Variants in COL5A1 observed in about 807,000 individuals in gnomAD.
The protein encoded by COL5A1 is collagen alpha-1(V) chain.
In COL5A1, 16 loss-of-function variants were observed where a neutral mutation model predicts 263.7. That is an observed-to-expected ratio of 0.06 (90% confidence interval 0.04 to 0.09). COL5A1 has a LOEUF of 0.09. Ranked by LOEUF, COL5A1 falls within the 10% of genes least tolerant of loss-of-function variation. COL5A1 has a pLI of 1.00. For synonymous variants in COL5A1, 1,012 were observed against 1,004.5 expected (o/e 1.01, Z -0.14); for missense variants, 2,036 against 2,540.5 (o/e 0.80, Z 4.27).
intron 48 of COL5A1, among the ~76,000 whole-genome samples, chr9:134,813,064 A>G (rs1588579608): frequency 2.0e-5 from 3 of 152,038 alleles, no homozygotes; most frequent in Non-Finnish European, 2.9e-5. Flanking sequence ...GAGATCATCT[A>G]TTCCTTAAAT....
chr9:134,720,376 T>G (rs1834408937), intron 4 of COL5A1, among the ~76,000 whole-genome samples: 1 of 152,194 alleles, frequency 6.6e-6, no homozygotes, highest in African/African-American at 2.4e-5. Context: ...CGGGCAAGGC[T>G]CCACCAGGAG....
chr9:134,733,689 GCCTGGGCGGACTCACC>G (rs556626580), intron 9 of COL5A1, among the ~76,000 whole-genome samples: 51 of 152,336 alleles, frequency 3.3e-4, no homozygotes, highest in African/African-American at 1.1e-3. Context: ...ACTGCCGTCC[GCCTGGGCGGACTCACC>G]CAGAAGCAGG....
intron 1 of COL5A1, chr9:134,649,536 T>C (rs918815983): frequency 1.1e-5 from 5 of 470,736 alleles, no homozygotes; most frequent in African/African-American, 1.0e-4. Context: ...TGTCCTTTTC[T>C]TCCTTGCCAG....
intron 65 of COL5A1, 121 bp downstream of exon 65, chr9:134,835,325 A>G (rs1284504040): frequency 1.2e-6 from 1 of 854,338 alleles, no homozygotes; most frequent in East Asian, 2.7e-5. Flanking sequence ...GCCCCGGACC[A>G]GACTCTCGCC....
intron 18 of COL5A1, among the ~76,000 whole-genome samples, chr9:134,759,104 T>A (rs1588511124): frequency 6.6e-6 from 1 of 152,102 alleles, no homozygotes; most frequent in South Asian, 2.1e-4. Context: ...TGTGGGGTGT[T>A]CCTTCTCTGA....
intron 2 of COL5A1, among the ~76,000 whole-genome samples, chr9:134,699,209 C>T (rs1003971711): frequency 6.6e-6 from 1 of 152,200 alleles, no homozygotes; most frequent in Non-Finnish European, 1.5e-5. Flanking sequence ...TGCTTGTGGC[C>T]GGGCCAGCCT....
At chr9:134,666,140 C>T (rs1031322154) in intron 1 of COL5A1, among the ~76,000 whole-genome samples, 2 of 152,136 alleles carry the variant, frequency 1.3e-5, no homozygotes, top group African/African-American at 4.8e-5. Flanking sequence ...ACAAGATCAA[C>T]CCAGGCAGAG....
At chr9:134,743,551 C>T (rs1835367975) in intron 11 of COL5A1, among the ~76,000 whole-genome samples, 2 of 152,292 alleles carry the variant, frequency 1.3e-5, no homozygotes, top group East Asian at 1.9e-4. Context: ...CTTTCCCAGC[C>T]GCCTCAGGGT....
At chr9:134,643,023 T>C (rs1014005880) in intron 1 of COL5A1, among the ~76,000 whole-genome samples, 1 of 152,144 alleles carries the variant, frequency 6.6e-6, no homozygotes, top group South Asian at 2.1e-4. Flanking sequence ...CAGGCGGGGC[T>C]GTGAGTGGTT....
At chr9:134,743,006 C>T (rs951033357) in intron 11 of COL5A1, among the ~76,000 whole-genome samples, 3 of 152,214 alleles carry the variant, frequency 2.0e-5, no homozygotes, top group Non-Finnish European at 4.4e-5. Context: ...GGAAGGCAGG[C>T]GCCACCTCTG....
chr9:134,776,037 G>A (rs1417719234), intron 27 of COL5A1, among the ~76,000 whole-genome samples: 1 of 152,132 alleles, frequency 6.6e-6, no homozygotes, highest in African/African-American at 2.4e-5. Flanking sequence ...GCTGCTGTCA[G>A]AAATCAAACC....
chr9:134,748,014 C>T (rs556742203), intron 11 of COL5A1, among the ~76,000 whole-genome samples: 1 of 150,694 alleles, frequency 6.6e-6, no homozygotes, highest in African/African-American at 2.4e-5. Flanking sequence ...CATGCATTCA[C>T]ACACATGCAT....
rs577398378 is a variant in COL5A1 at position 134,686,480 on chromosome 9, G to T, written c.110-4432G>T. Among the ~76,000 whole-genome samples, 1 of 152,180 alleles carries T rather than the reference G, an allele frequency of 6.6e-6. No individual in the cohort carries two copies. Among genetic ancestry groups the T allele is most frequent in the South Asian group, 2.1e-4 (1 of 4,812 alleles). ...TTGCCCAGGTTGATCTCCAACTCCC[G>T]AGCTCAAGCCATCTGCCTGCCTCGG... On this transcript the variant is annotated intron_variant, in intron 1 of 65. Coordinates refer to ENST00000371817, the MANE Select transcript of COL5A1 (RefSeq NM_000093.5). This position sits in a 1 kb window ranked among gnomAD's most constrained non-coding sequence, Gnocchi z 4.6.
At chr9:134,825,533 C>T (rs9409996) in intron 62 of COL5A1, among the ~76,000 whole-genome samples, 4 of 151,374 alleles carry the variant, frequency 2.6e-5, no homozygotes, top group African/African-American at 9.7e-5. Context: ...GGACCCCAAC[C>T]CTCCTGGCCA....
chr9:134,721,863 G>A (rs1564410934), intron 4 of COL5A1, among the ~76,000 whole-genome samples: 1 of 152,216 alleles, frequency 6.6e-6, no homozygotes, highest in Non-Finnish European at 1.5e-5. Flanking sequence ...CAACAGCCTT[G>A]CTGGGCACCC....
At chr9:134,753,433 G>A (rs139604617) in intron 14 of COL5A1, among the ~76,000 whole-genome samples, 59 of 152,256 alleles carry the variant, frequency 3.9e-4, no homozygotes, top group Non-Finnish European at 7.1e-4. Flanking sequence ...GTCTGGGCTC[G>A]GTCGCCTCCA....
chr9:134,653,173 C>T (rs968931942), intron 1 of COL5A1: 11 of 154,688 alleles, frequency 7.1e-5, no homozygotes, highest in Non-Finnish European at 1.0e-4. Context: ...CCCCTGCACA[C>T]CTGGCAGCGG....
At chr9:134,760,026 CCACGCACA>C (rs1229211192) in intron 18 of COL5A1, among the ~76,000 whole-genome samples, 1 of 108,196 alleles carries the variant, frequency 9.2e-6, no homozygotes, top group African/African-American at 4.2e-5. Context: ...GCACACACAC[CCACGCACA>C]CACGCACATA....
Position 134,750,549 on chromosome 9 carries a change from C to G in COL5A1, c.1502C>G (p.Pro501Arg). 2 of 1,613,692 alleles carry G rather than the reference C, an allele frequency of 1.2e-6. No homozygotes were observed. Among genetic ancestry groups the G allele is most frequent in the African/African-American group, 1.3e-5 (1 of 75,074 alleles). Residue 501 changes from proline to arginine, a missense_variant, in exon 12 of 66, where the codon CCT becomes CGT. This residue lies in a region of COL5A1 where 1,078 missense variants were observed against 1,521.4 expected (regional missense o/e 0.71). Transcript: ENST00000371817. ...TTGGCCCCTTGTCTTCAGGGCCCCC[C>G]TGGACGCCCAGGCCTTCCTGGGGCC... ...QVGDPGERGPPGRPGLPGADG... is the reference protein window; with the variant it reads ...QVGDPGERGPRGRPGLPGADG...
Sources: allele counts gnomAD v4.1 joint callset (sites outside exome capture counted in the v4.1 genomes callset), GRCh38; gene constraint gnomAD v4.1.1; regional missense constraint gnomAD v4.1.1; non-coding constraint Gnocchi (gnomAD v3.1); transcripts MANE v1.5; gene names NCBI Gene and HGNC (gene_info 2026-07-23, HGNC 2026-07-21).